Variants in ACTN1 observed in about 807,000 individuals in gnomAD.
ACTN1 encodes actinin alpha 1.
A neutral mutation model predicts 119.6 loss-of-function variants in ACTN1; 30 were observed. That is an observed-to-expected ratio of 0.25 (90% confidence interval 0.19 to 0.34). ACTN1 has a LOEUF of 0.34. Among genes scored for constraint, ACTN1 ranks in the 10% least tolerant of loss-of-function variants. The pLI is 1.00. For synonymous variants in ACTN1, 429 were observed against 472.6 expected, an observed-to-expected ratio of 0.91 and a Z score of 1.20; for missense variants, 764 against 1,223.4, an observed-to-expected ratio of 0.62 and a Z score of 5.60.
chr14:68,978,862 A>T lies in ACTN1; in HGVS notation c.105+90T>A, dbSNP rs1459113364. 7.8e-6 allele frequency: 7 copies of T among 903,160 alleles called. No individual in the cohort carries two copies. In the African/African-American group the frequency reaches 1.1e-4, roughly 14 times the overall value. 55.9% of individuals were successfully genotyped at this position (903,160 alleles called of 1,614,324 possible). A position where few individuals can be genotyped will look rare whatever the true frequency, so the allele number is the denominator to read the frequency against. On this transcript the variant is annotated intron_variant, in intron 1 of 21. Transcript: ENST00000394419. ...TCCCGTGCGCGCCCGGAACCGGTTC[A>T]GAGCCCGGAGCCGAGAGCCCGGCAG...
intron 21 of ACTN1, 101 bp from the exon 22 acceptor site, chr14:68,875,118 G>A: frequency 5.8e-6 from 9 of 1,559,340 alleles, no homozygotes; most frequent in Non-Finnish European, 7.8e-6. Context: ...GGCAGCATGT[G>A]CCGTTTGCAT....
At chr14:68,965,968 C>T (rs2036693597) in intron 1 of ACTN1, among the ~76,000 whole-genome samples, 1 of 152,162 alleles carries the variant, frequency 6.6e-6, no homozygotes, top group Non-Finnish European at 1.5e-5. Context: ...CCTGTAATCC[C>T]AGCACTTTGG....
At chr14:68,928,581 C>T (rs1000525132) in intron 1 of ACTN1, among the ~76,000 whole-genome samples, 1 of 152,182 alleles carries the variant, frequency 6.6e-6, no homozygotes, top group Non-Finnish European at 1.5e-5. Flanking sequence ...TCAGATTAAC[C>T]TTCCTAAACT....
At chr14:68,950,479 A>ATATAT (rs1566667536) in intron 1 of ACTN1, among the ~76,000 whole-genome samples, 12 of 92,646 alleles carry the variant, frequency 1.3e-4, no homozygotes, top group African/African-American at 9.5e-4. Flanking sequence ...TATATATATA[A>ATATAT]ATCAAACATA....
At chr14:68,916,289 C>T (rs1359909764) in intron 3 of ACTN1, among the ~76,000 whole-genome samples, 1 of 152,188 alleles carries the variant, frequency 6.6e-6, no homozygotes, top group Non-Finnish European at 1.5e-5. Context: ...CAGGGCCTCC[C>T]GCTGGCCCTG....
At chr14:68,952,758 G>A (rs1304539731) in intron 1 of ACTN1, among the ~76,000 whole-genome samples, 1 of 152,068 alleles carries the variant, frequency 6.6e-6, no homozygotes, top group Non-Finnish European at 1.5e-5. Context: ...CTTGAAGGCC[G>A]AGCCTTAAAG....
At chr14:68,941,426 C>CCA (rs2140491344) in intron 1 of ACTN1, among the ~76,000 whole-genome samples, 1 of 152,272 alleles carries the variant, frequency 6.6e-6, no homozygotes, top group Non-Finnish European at 1.5e-5. Context: ...GGTCCAGAGA[C>CCA]CACACTCTGA....
chr14:68,904,052 A>G (rs1359500984), intron 7 of ACTN1, among the ~76,000 whole-genome samples: 1 of 152,008 alleles, frequency 6.6e-6, no homozygotes, highest in African/African-American at 2.4e-5. Flanking sequence ...TTCCTTCCCT[A>G]CCCAACATGG....
At chr14:68,929,533 G>A (rs948307239) in intron 1 of ACTN1, among the ~76,000 whole-genome samples, 2 of 152,134 alleles carry the variant, frequency 1.3e-5, no homozygotes, top group Non-Finnish European at 2.9e-5. Flanking sequence ...TCACCTCCTT[G>A]GGCCATACTC....
At chr14:68,887,294 A>G in intron 11 of ACTN1, 1 of 338,256 alleles carries the variant, frequency 3.0e-6, no homozygotes, top group South Asian at 2.4e-5. Context: ...AAACAGGACT[A>G]CCACAACCAA....
At chr14:68,901,207 G>T (rs1461434617) in intron 8 of ACTN1, among the ~76,000 whole-genome samples, 4 of 136,176 alleles carry the variant, frequency 2.9e-5, no homozygotes, top group African/African-American at 1.1e-4. Flanking sequence ...TTGTTTTATG[G>T]TTTTTTTTTG....
intron 8 of ACTN1, among the ~76,000 whole-genome samples, chr14:68,896,340 T>A (rs1032055294): frequency 8.6e-5 from 13 of 151,902 alleles, no homozygotes; most frequent in African/African-American, 2.9e-4. Flanking sequence ...CGTGGTCCCT[T>A]GATGAAGGCG....
chr14:68,916,223 ATGC>A (rs2034286647), intron 3 of ACTN1, among the ~76,000 whole-genome samples: 1 of 152,136 alleles, frequency 6.6e-6, no homozygotes, highest in Non-Finnish European at 1.5e-5. Context: ...TGGGGCTGCA[ATGC>A]TAGCCCTCCC....
chr14:68,947,346 C>T (rs1482405551), intron 1 of ACTN1: 1 of 152,246 alleles, frequency 6.6e-6, no homozygotes, highest in Non-Finnish European at 1.5e-5. Flanking sequence ...AAAATAACAA[C>T]ACACTTAGGG....
In ACTN1 at chr14:68,878,996, T is replaced by C; in HGVS notation, c.2354A>G (p.Asp785Gly). The change falls in exon 19 of 22, where the codon GAC becomes GGC. Residue 785 changes from aspartate (D) to glycine (G), a missense_variant. Physicochemically the swap from Asp to Gly is moderately conservative, Grantham distance 94. Transcript: ENST00000394419. The surrounding 1 kb of genome is among the most constrained non-coding windows in gnomAD (Gnocchi z 4.4). ...LISLGYDIGN[D>G]PQKKTGMMDT... ...CATGCAGGAGGCGAGTACCTGGGGG[T>C]CGTTGCCAATATCATAACCCAAGCT... 5 of 1,611,828 alleles carry C rather than the reference T, an allele frequency of 3.1e-6. No individual in the cohort carries two copies. The highest frequency in any genetic ancestry group is 4.2e-6 in the Non-Finnish European group (5 of 1,179,476).
intron 1 of ACTN1, among the ~76,000 whole-genome samples, chr14:68,972,922 G>A (rs1423918895): frequency 2.0e-5 from 3 of 152,184 alleles, no homozygotes; most frequent in African/African-American, 4.8e-5. Flanking sequence ...CAAAAAGGGC[G>A]AGCCACTATA....
intron 20 of ACTN1, 186 bp from the exon 21 acceptor site, chr14:68,877,426 C>T: frequency 1.6e-6 from 1 of 612,872 alleles, no homozygotes; most frequent in East Asian, 2.8e-5. Context: ...AGACCCAGCT[C>T]AGGGTTCCCC....
Position 68,880,784 on chromosome 14 carries a change from A to G in ACTN1, c.2133+26T>C. 1 of 1,609,600 alleles carries G rather than the reference A, an allele frequency of 6.2e-7. No individual in the cohort carries two copies. The highest frequency in any genetic ancestry group is 8.5e-7 in the Non-Finnish European group (1 of 1,176,594). ...AGCAGAAGGGGCCACGGGCTCCCGAAGAGGAACAAGGCCAGCCCCACCCAC... is the reference window on the plus strand; with the variant it reads ...AGCAGAAGGGGCCACGGGCTCCCGAGGAGGAACAAGGCCAGCCCCACCCAC... On this transcript the variant is annotated intron_variant, in intron 17 of 21. Coordinates refer to ENST00000394419, the MANE Select transcript of ACTN1 (RefSeq NM_001130004.2). The surrounding 1 kb of genome is among the most constrained non-coding windows in gnomAD (Gnocchi z 4.6).
intron 9 of ACTN1, among the ~76,000 whole-genome samples, 172 bp downstream of exon 9, chr14:68,893,483 C>A (rs2032652166): frequency 6.6e-6 from 1 of 152,222 alleles, no homozygotes; most frequent in East Asian, 1.9e-4. Context: ...CTGCCCCCAC[C>A]TCACTACTTT....
Sources: allele counts gnomAD v4.1 joint callset (sites outside exome capture counted in the v4.1 genomes callset), GRCh38; gene constraint gnomAD v4.1.1; non-coding constraint Gnocchi (gnomAD v3.1); transcripts MANE v1.5; gene names NCBI Gene and HGNC (gene_info 2026-07-23, HGNC 2026-07-21).